The following PLCB1 variants were observed in gnomAD, a reference collection of about 807,000 sequenced individuals.
The protein encoded by PLCB1 is 1-phosphatidylinositol 4,5-bisphosphate phosphodiesterase beta-1.
In PLCB1, 46 loss-of-function variants were observed where a neutral mutation model predicts 161.8. The observed-to-expected ratio is 0.28, with a 90% confidence interval of 0.22 to 0.36. PLCB1 has a LOEUF of 0.36. Among genes scored for constraint, PLCB1 ranks in the 10% least tolerant of loss-of-function variants. The pLI is 1.00. For synonymous variants in PLCB1, 517 were observed against 503.7 expected, an observed-to-expected ratio of 1.03 and a Z score of -0.35; for missense variants, 1,016 against 1,472.5, an observed-to-expected ratio of 0.69 and a Z score of 5.07.
chr20:8,396,702 G>A (rs908345472), intron 3 of PLCB1, among the ~76,000 whole-genome samples: 1 of 152,028 alleles, frequency 6.6e-6, no homozygotes, highest in Non-Finnish European at 1.5e-5. Flanking sequence ...TCGTGGTTTA[G>A]TAATTCCAGA....
chr20:8,200,174 T>C (rs1197832474), intron 2 of PLCB1, among the ~76,000 whole-genome samples: 1 of 152,166 alleles, frequency 6.6e-6, no homozygotes, highest in East Asian at 1.9e-4. Flanking sequence ...CACAAGTATG[T>C]CATAGCCATT....
At chr20:8,781,869 C>T (rs1344501032) in intron 27 of PLCB1, among the ~76,000 whole-genome samples, 2 of 152,090 alleles carry the variant, frequency 1.3e-5, no homozygotes, top group Non-Finnish European at 1.5e-5. Flanking sequence ...AGGAAAGACC[C>T]ACCCCCATAA....
chr20:8,556,659 GTGTGTGTGTGTGTGT>G (rs1985964596), intron 3 of PLCB1, among the ~76,000 whole-genome samples: 1 of 8,000 alleles, frequency 1.3e-4, no homozygotes, highest in African/African-American at 4.1e-4. Flanking sequence ...AGGGTTGGGT[GTGTGTGTGTGTGTGT>G]GTGTGTGTGT....
intron 2 of PLCB1, among the ~76,000 whole-genome samples, chr20:8,242,434 G>A (rs1980665274): frequency 6.6e-6 from 1 of 151,924 alleles, no homozygotes; most frequent in South Asian, 2.1e-4. Flanking sequence ...GAACCACAAG[G>A]AACAGGAGAA....
At chr20:8,485,183 A>G (rs952175589) in intron 3 of PLCB1, among the ~76,000 whole-genome samples, 2 of 152,326 alleles carry the variant, frequency 1.3e-5, no homozygotes, top group African/African-American at 4.8e-5. Flanking sequence ...CCAAATCTGG[A>G]GGGTTCTATT....
At chr20:8,518,278 C>T (rs561010977) in intron 3 of PLCB1, among the ~76,000 whole-genome samples, 5 of 152,268 alleles carry the variant, frequency 3.3e-5, no homozygotes, top group South Asian at 2.1e-4. Context: ...ACTTACTTGT[C>T]TTCATTGACT....
rs1568636728 is a variant in PLCB1, at chr20:8,336,343, C to T, written c.178-35039C>T. On this transcript the variant is annotated intron_variant, in intron 2 of 31. Coordinates refer to ENST00000338037, the MANE Select transcript of PLCB1 (RefSeq NM_015192.4). ...AGTTTTACAAAAATGGGATTATGGC[C>T]CATGTATTTTCCTTAAACTGGGAAT... is the stretch of plus-strand genomic sequence containing the variant. 2.6e-5 allele frequency among the ~76,000 whole-genome samples: 4 copies of T among 151,916 alleles called. No homozygotes were observed. In the South Asian group the frequency reaches 8.3e-4, roughly 32 times the overall value.
At chr20:8,537,619 ACCAT>A (rs1363844535) in intron 3 of PLCB1, among the ~76,000 whole-genome samples, 1 of 152,034 alleles carries the variant, frequency 6.6e-6, no homozygotes, top group Non-Finnish European at 1.5e-5. Context: ...CTACTGTAAC[ACCAT>A]GTGTAACACC....
At chr20:8,488,390 C>T (rs148866747) in intron 3 of PLCB1, among the ~76,000 whole-genome samples, 168 of 152,242 alleles carry the variant, frequency 1.1e-3, no homozygotes, top group African/African-American at 3.8e-3. Flanking sequence ...CATCCTACAT[C>T]TCTCACTCCC....
intron 2 of PLCB1, among the ~76,000 whole-genome samples, chr20:8,308,900 A>G (rs1459935292): frequency 6.6e-6 from 1 of 152,096 alleles, no homozygotes; most frequent in Non-Finnish European, 1.5e-5. Flanking sequence ...TTTGAATCCC[A>G]GATAGGGACT....
In PLCB1 at chr20:8,439,108, G is replaced by T. The variant is rs145897039; in HGVS notation, c.246+67658G>T. On this transcript the variant is annotated intron_variant, in intron 3 of 31. Coordinates refer to ENST00000338037, the MANE Select transcript of PLCB1 (RefSeq NM_015192.4). Reference sequence around the variant, plus strand: ...CTTTATCCTACCTGTGTATCCCTAGGGCTTTACAGAGTGGAGATTCAGTAA... The same window carrying T: ...CTTTATCCTACCTGTGTATCCCTAGTGCTTTACAGAGTGGAGATTCAGTAA... Among the ~76,000 whole-genome samples the T allele has an allele frequency of 4.1e-3, 628 of 152,258 alleles. 7 individuals are homozygous for T. The highest frequency in any genetic ancestry group is 0.014 in the African/African-American group (598 of 41,538).
chr20:8,801,250 C>T (rs1432060227), intron 31 of PLCB1, among the ~76,000 whole-genome samples: 1 of 152,168 alleles, frequency 6.6e-6, no homozygotes, highest in Non-Finnish European at 1.5e-5. Context: ...GGGCAACTCT[C>T]TCCTGTCTTT....
intron 3 of PLCB1, among the ~76,000 whole-genome samples, chr20:8,516,186 G>A (rs1056266618): frequency 6.6e-6 from 1 of 152,118 alleles, no homozygotes; most frequent in Non-Finnish European, 1.5e-5. Context: ...GAAAGACTTG[G>A]TCTGGGACAC....
At chr20:8,477,232 C>T (rs1982316760) in intron 3 of PLCB1, among the ~76,000 whole-genome samples, 1 of 152,142 alleles carries the variant, frequency 6.6e-6, no homozygotes. Context: ...AATTCCAACG[C>T]ATGTTCAATT....
At chr20:8,449,343 T>C (rs74567952) in intron 3 of PLCB1, among the ~76,000 whole-genome samples, 11,825 of 152,252 alleles carry the variant, frequency 0.078, 525 homozygotes, top group Middle Eastern at 0.13. Context: ...TAGCAGACGC[T>C]GGTGATTCAT....
At chr20:8,178,651 G>A (rs1398647447) in intron 2 of PLCB1, among the ~76,000 whole-genome samples, 1 of 152,096 alleles carries the variant, frequency 6.6e-6, no homozygotes, top group Non-Finnish European at 1.5e-5. Flanking sequence ...GATCCCATTT[G>A]TCAATTTTTG....
intron 3 of PLCB1, among the ~76,000 whole-genome samples, chr20:8,549,713 G>C (rs1221757756): frequency 6.6e-6 from 1 of 152,144 alleles, no homozygotes; most frequent in Non-Finnish European, 1.5e-5. Context: ...TGGGACTACA[G>C]GTGTGAATCA....
intron 31 of PLCB1, among the ~76,000 whole-genome samples, chr20:8,825,446 G>A (rs1008129942): frequency 2.6e-5 from 4 of 152,132 alleles, no homozygotes; most frequent in African/African-American, 9.7e-5. Context: ...GAAAGAGTGT[G>A]TGGATGAAGA....
intron 3 of PLCB1, among the ~76,000 whole-genome samples, chr20:8,500,920 A>G (rs1983378137): frequency 6.6e-6 from 1 of 152,198 alleles, no homozygotes; most frequent in Non-Finnish European, 1.5e-5. Context: ...TCATAGCTAA[A>G]ACAGTTAACA....
Sources: gnomAD v4.1 joint callset for allele counts (sites outside exome capture counted in the v4.1 genomes callset) on GRCh38, gnomAD v4.1.1 for gene constraint, MANE v1.5 for transcripts, NCBI Gene and HGNC (gene_info 2026-07-23, HGNC 2026-07-21) for gene names.